Variants in KCNH7 observed in about 807,000 individuals in gnomAD.
KCNH7 encodes the protein potassium voltage-gated channel subfamily H member 7.
In KCNH7, 49 loss-of-function variants were observed where a neutral mutation model predicts 120.8. The observed-to-expected ratio is 0.41, with a 90% CI of 0.32 to 0.51. The LOEUF (loss-of-function observed/expected upper bound fraction) is 0.51, where lower values mean the gene tolerates loss of function less well. KCNH7 is among the 20% of genes least tolerant of loss of function. The pLI is 0.38. For missense variants in KCNH7, 1,097 were observed against 1,446.6 expected (o/e 0.76, Z 3.92); for synonymous variants, 547 against 516.1 (o/e 1.06, Z -0.81).
chr2:162,430,814 A>G (rs948806014), intron 8 of KCNH7, among the ~76,000 whole-genome samples: 48 of 151,962 alleles, frequency 3.2e-4, no homozygotes, highest in Admixed American at 1.8e-3. Context: ...CAGGTCAGAA[A>G]TGGAATACAT....
chr2:162,602,595 C>G lies in KCNH7; in HGVS notation c.308-65515G>C, dbSNP rs115496841. Reference sequence around the variant, plus strand: ...TCTGCCTAGACCTTCACTGGAATCACTGCTTCACTTTATTCAGGTCTCTGC... The same window carrying G: ...TCTGCCTAGACCTTCACTGGAATCAGTGCTTCACTTTATTCAGGTCTCTGC... On this transcript the variant is annotated intron_variant, in intron 2 of 15. Transcript: ENST00000332142. 8.8e-3 allele frequency among the ~76,000 whole-genome samples: 1,345 copies of G among 152,188 alleles called. 7 individuals carry two copies. The highest frequency in any genetic ancestry group is 0.014 in the Non-Finnish European group (955 of 67,996).
intron 2 of KCNH7, among the ~76,000 whole-genome samples, chr2:162,702,466 G>A (rs936642167): frequency 1.3e-5 from 2 of 152,030 alleles, no homozygotes; most frequent in African/African-American, 4.8e-5. Context: ...TACAGTCAAT[G>A]GAATTACTGT....
At chr2:162,692,838 T>A (rs1172356345) in intron 2 of KCNH7, among the ~76,000 whole-genome samples, 2 of 152,094 alleles carry the variant, frequency 1.3e-5, no homozygotes, top group African/African-American at 4.8e-5. Context: ...AAAGTAAGCA[T>A]CATAAGGTAG....
chr2:162,481,826 A>G (rs1420663635), intron 6 of KCNH7, among the ~76,000 whole-genome samples: 1 of 152,202 alleles, frequency 6.6e-6, no homozygotes, highest in Non-Finnish European at 1.5e-5. Context: ...CCAATTACCA[A>G]TTGATGAGTT....
intron 2 of KCNH7, among the ~76,000 whole-genome samples, chr2:162,544,973 AT>A (rs1692429459): frequency 1.3e-5 from 2 of 152,162 alleles, no homozygotes; most frequent in African/African-American, 4.8e-5. Context: ...TAACAACCAT[AT>A]AATTAAATCA....
chr2:162,746,037 CTT>C (rs2105420106), intron 2 of KCNH7, among the ~76,000 whole-genome samples: 1 of 151,962 alleles, frequency 6.6e-6, no homozygotes, highest in South Asian at 2.1e-4. Context: ...AACTAATAAA[CTT>C]TATTTATTAT....
intron 2 of KCNH7, among the ~76,000 whole-genome samples, chr2:162,557,438 A>G (rs1281450553): frequency 2.0e-5 from 3 of 152,198 alleles, no homozygotes; most frequent in Non-Finnish European, 4.4e-5. Context: ...TTGGTCAATG[A>G]GTCCACAGGG....
intron 2 of KCNH7, among the ~76,000 whole-genome samples, chr2:162,729,172 T>A (rs915348611): frequency 5.4e-5 from 8 of 147,820 alleles, no homozygotes; most frequent in Non-Finnish European, 1.0e-4. Flanking sequence ...ATTTTTTTTT[T>A]TTTTTTTTTT....
intron 2 of KCNH7, among the ~76,000 whole-genome samples, chr2:162,793,175 C>T (rs1339778217): frequency 6.6e-6 from 1 of 151,906 alleles, no homozygotes; most frequent in Admixed American, 6.6e-5. Flanking sequence ...AGGCCATTAT[C>T]CTTAGCAAAC....
At chr2:162,805,466 A>G (rs1684505431) in intron 2 of KCNH7, among the ~76,000 whole-genome samples, 1 of 152,192 alleles carries the variant, frequency 6.6e-6, no homozygotes, top group Non-Finnish European at 1.5e-5. Context: ...CAGATGGCCA[A>G]CAAACATATG....
chr2:162,585,370 C>T (rs1208461156), intron 2 of KCNH7, among the ~76,000 whole-genome samples: 2 of 151,938 alleles, frequency 1.3e-5, no homozygotes, highest in African/African-American at 4.8e-5. Context: ...TTCTTCTGCC[C>T]CACAACTAGC....
At chr2:162,628,600 T>C (rs1015332066) in intron 2 of KCNH7, among the ~76,000 whole-genome samples, 1 of 152,100 alleles carries the variant, frequency 6.6e-6, no homozygotes, top group East Asian at 1.9e-4. Flanking sequence ...TCCCATTTTC[T>C]GTCCTTCAAT....
At chr2:162,706,062 C>G (rs1559091625) in intron 2 of KCNH7, among the ~76,000 whole-genome samples, 1 of 152,100 alleles carries the variant, frequency 6.6e-6, no homozygotes, top group South Asian at 2.1e-4. Context: ...ACTTTCAAGT[C>G]ACAGCAGAGT....
chr2:162,805,066 C>T (rs551110330), intron 2 of KCNH7, among the ~76,000 whole-genome samples: 1 of 151,898 alleles, frequency 6.6e-6, no homozygotes, highest in African/African-American at 2.4e-5. Context: ...CTATCTCTCA[C>T]CCTAAACAAA....
chr2:162,401,651 AATGCAAGTG>A (rs1412035954), intron 9 of KCNH7, among the ~76,000 whole-genome samples: 1 of 151,926 alleles, frequency 6.6e-6, no homozygotes. Context: ...ATCACTGTGT[AATGCAAGTG>A]GTCAGACTGA....
intron 6 of KCNH7, among the ~76,000 whole-genome samples, chr2:162,485,384 C>T: frequency 6.6e-6 from 1 of 151,978 alleles, no homozygotes; most frequent in East Asian, 1.9e-4. Context: ...TAGGTTTATG[C>T]CTTAGTTTTT....
In KCNH7 at chr2:162,678,137, G is replaced by A. The variant is rs567017573; in HGVS notation, c.308-141057C>T. ...CACGTGTGTGTATGTGTCTGTGTGC[G>A]TATGTATGAAATATTGACAGATGCC... On this transcript the variant is annotated intron_variant, in intron 2 of 15. Coordinates refer to ENST00000332142, the MANE Select transcript of KCNH7 (RefSeq NM_033272.4). Among the ~76,000 whole-genome samples, 19 of 151,460 alleles carry A rather than the reference G, an allele frequency of 1.3e-4. No individual in the cohort carries two copies. The South Asian group carries it at 2.1e-3, about 17-fold the overall frequency.
chr2:162,771,904 G>C (rs1683068001), intron 2 of KCNH7: 1 of 152,124 alleles, frequency 6.6e-6, no homozygotes, highest in African/African-American at 2.4e-5. Flanking sequence ...GTGCGTGAAA[G>C]AACACAATCC....
In KCNH7 at chr2:162,657,207, G is replaced by A. The variant is rs77094244; in HGVS notation, c.308-120127C>T. ...CTGTTAGTGTTCACTCTTGGTGTATGTACACTTTACAAGTTTTGAAAAGCT... is the reference window on the plus strand; with the variant it reads ...CTGTTAGTGTTCACTCTTGGTGTATATACACTTTACAAGTTTTGAAAAGCT... On this transcript the variant is annotated intron_variant, in intron 2 of 15. Transcript: ENST00000332142. 6.4e-3 allele frequency among the ~76,000 whole-genome samples: 975 copies of A among 152,232 alleles called. 15 individuals are homozygous for A. The highest frequency in any genetic ancestry group is 0.022 in the African/African-American group (920 of 41,546).
Sources: gnomAD v4.1 joint callset for allele counts (sites outside exome capture counted in the v4.1 genomes callset) on GRCh38, gnomAD v4.1.1 for gene constraint, MANE v1.5 for transcripts, NCBI Gene and HGNC (gene_info 2026-07-23, HGNC 2026-07-21) for gene names.